The following DNMT3B variants were observed in gnomAD, a reference collection of about 807,000 sequenced individuals.
The protein encoded by DNMT3B is DNA methyltransferase 3 beta, also known as DNA (cytosine-5)-methyltransferase 3B.
Under a neutral mutation model 120.2 loss-of-function variants are expected in DNMT3B, and 37 were observed. That is an observed-to-expected ratio of 0.31 (90% CI 0.24 to 0.40). DNMT3B has a LOEUF of 0.40. Among genes scored for constraint, DNMT3B ranks in the 10% least tolerant of loss-of-function variants. The probability of loss-of-function intolerance (pLI) is 1.00; values close to 1 mark genes in which losing one functional copy is unlikely to be tolerated. For synonymous variants in DNMT3B, 412 were observed against 442.8 expected, an observed-to-expected ratio of 0.93 and a Z score of 0.87; for missense variants, 878 against 1,137.3, an observed-to-expected ratio of 0.77 and a Z score of 3.28.
intron 12 of DNMT3B, among the ~76,000 whole-genome samples, 160 bp from the exon 13 acceptor site, chr20:32,796,630 T>C (rs1350882905): frequency 2.0e-5 from 3 of 152,108 alleles, no homozygotes; most frequent in African/African-American, 4.8e-5. Flanking sequence ...CCTGGAAGCA[T>C]TGTTGAGTGG....
In DNMT3B at chr20:32,808,082, G is replaced by A. The variant is rs184681543; in HGVS notation, c.*179G>A. 14 of 1,018,332 alleles carry A rather than the reference G, an allele frequency of 1.4e-5. No homozygotes were observed. The highest frequency in any genetic ancestry group is 2.0e-5 in the Non-Finnish European group (14 of 695,990). The allele number at this position is 1,018,332 out of a possible 1,614,324, so 63.1% of individuals were successfully genotyped here. A position where few individuals can be genotyped will look rare whatever the true frequency, so the allele number is the denominator to read the frequency against. Reference sequence around the variant, plus strand: ...CTGACTCTTGCAGGGGTAGCCTGAGGTGCCGCCTCCTTGTGCACAAATCAG... The same window carrying A: ...CTGACTCTTGCAGGGGTAGCCTGAGATGCCGCCTCCTTGTGCACAAATCAG... On this transcript the variant is annotated 3_prime_UTR_variant, in exon 23 of 23. Coordinates refer to ENST00000328111, the MANE Select transcript of DNMT3B (RefSeq NM_006892.4).
At chr20:32,800,098 G>A in intron 16 of DNMT3B, 55 bp from the exon 17 acceptor site, 2 of 1,610,512 alleles carry the variant, frequency 1.2e-6, no homozygotes, top group Non-Finnish European at 1.7e-6. Flanking sequence ...TGGAGGAAAT[G>A]AGCTGCTGTG....
At chr20:32,765,771 T>TCTTGAGACGGAGTCTGGCTCTG (rs1568815958) in intron 1 of DNMT3B, among the ~76,000 whole-genome samples, 1 of 139,198 alleles carries the variant, frequency 7.2e-6, no homozygotes, top group Non-Finnish European at 1.5e-5. Context: ...TTTTTTTTTT[T>TCTTGAGACGGAGTCTGGCTCTG]TTGAGACGGA....
chr20:32,794,533 C>T (rs1416650274), intron 10 of DNMT3B, among the ~76,000 whole-genome samples: 2 of 151,836 alleles, frequency 1.3e-5, no homozygotes, highest in Admixed American at 6.6e-5. Context: ...CAAAAATTAG[C>T]CAGGTGTGGT....
rs534458653 is a variant in DNMT3B at position 32,797,081 on chromosome 20, C to T, written c.1378-106C>T. On this transcript the variant is annotated intron_variant, in intron 13 of 22. Coordinates refer to ENST00000328111, the MANE Select transcript of DNMT3B (RefSeq NM_006892.4). ...TGTCCTTTTAAAGGACACCAAGCCA[C>T]CAGCAGTGTGTTCTGCAGCTGTATC... 4.4e-6 allele frequency: 7 copies of T among 1,605,042 alleles called. No homozygotes were observed. In the East Asian group the frequency reaches 1.6e-4, roughly 36 times the overall value.
rs1193577669 is a variant in DNMT3B, at chr20:32,806,189, G to A, written c.2302-20G>A. ...TCCCTTCATTCTGTGCTCACTCCAT[G>A]ATGTCATTTTGTTCTCCAGTTAAAG... On this transcript the variant is annotated intron_variant, in intron 21 of 22. Coordinates refer to ENST00000328111, the MANE Select transcript of DNMT3B (RefSeq NM_006892.4). The A allele has an allele frequency of 1.9e-6, 3 of 1,610,114 alleles. No individual in the cohort carries two copies. In the Admixed American group the frequency reaches 5.0e-5, roughly 27 times the overall value.
At chr20:32,795,602 G>A (rs1332812565) in intron 11 of DNMT3B, 48 bp from the exon 12 acceptor site, 1 of 1,614,074 alleles carries the variant, frequency 6.2e-7, no homozygotes. Flanking sequence ...GAATTGATCT[G>A]TACCCGGCTC....
chr20:32,769,356 G>T (rs943646394), intron 1 of DNMT3B, among the ~76,000 whole-genome samples: 2 of 152,136 alleles, frequency 1.3e-5, no homozygotes, highest in Non-Finnish European at 2.9e-5. Flanking sequence ...CAAAGTACTG[G>T]GATTACAGGC....
Position 32,808,089 on chromosome 20 carries a change from C to T in DNMT3B, c.*186C>T, listed in dbSNP as rs1982166772. 3 of 939,068 alleles carry T rather than the reference C, an allele frequency of 3.2e-6. No individual in the cohort carries two copies. The highest frequency in any genetic ancestry group is 4.6e-5 in the Admixed American group (2 of 43,578). 58.2% of individuals were successfully genotyped at this position (939,068 alleles called of 1,614,324 possible). On this transcript the variant is annotated 3_prime_UTR_variant, in exon 23 of 23. Transcript: ENST00000328111. Reference sequence around the variant, plus strand: ...TTGCAGGGGTAGCCTGAGGTGCCGCCTCCTTGTGCACAAATCAGACCTGGC... The same window carrying T: ...TTGCAGGGGTAGCCTGAGGTGCCGCTTCCTTGTGCACAAATCAGACCTGGC...
intron 12 of DNMT3B, among the ~76,000 whole-genome samples, chr20:32,796,080 T>C (rs8115360): frequency 0.057 from 8,717 of 152,248 alleles, 748 homozygotes; most frequent in African/African-American, 0.19. Context: ...TGCCACTGGA[T>C]TGGATACTCT....
chr20:32,792,844 C>T, intron 9 of DNMT3B, 74 bp downstream of exon 9: 1 of 1,597,522 alleles, frequency 6.3e-7, no homozygotes, highest in Non-Finnish European at 8.5e-7. Flanking sequence ...TCAGCCACCC[C>T]TGCTGCCCCA....
intron 17 of DNMT3B, 75 bp from the exon 18 acceptor site, chr20:32,800,760 C>A: frequency 6.6e-7 from 1 of 1,523,644 alleles, no homozygotes; most frequent in Non-Finnish European, 9.1e-7. Flanking sequence ...CAGCCCCACG[C>A]AAGATTCTAG....
Position 32,786,609 on chromosome 20 carries a change from G to C in DNMT3B, c.414G>C (p.Val138=), listed in dbSNP as rs2145944649. ...QGRNHVDESP[V]EFPATRSLRR... is the part of the protein sequence containing the mutation. ...GCAACCATGTGGACGAGTCCCCCGT[G>C]GAGTTCCCGGCTACCAGGGTTGGTT... The change falls in exon 5 of 23, where the codon GTG becomes GTC. Residue 138 remains valine, a synonymous_variant. Transcript: ENST00000328111. The C allele has an allele frequency of 6.2e-7, 1 of 1,613,910 alleles. No individual in the cohort carries two copies. The highest frequency in any genetic ancestry group is 2.2e-5 in the East Asian group (1 of 44,890).
Position 32,786,494 on chromosome 20 carries a change from G to A in DNMT3B, c.307-8G>A. On this transcript the variant is annotated splice_polypyrimidine_tract_variant and splice_region_variant and intron_variant, in intron 4 of 22. Coordinates refer to ENST00000328111, the MANE Select transcript of DNMT3B (RefSeq NM_006892.4). ...TAAGGCCCAGTGAGTGTCCTCTCTT[G>A]CTTCTAGGTCCGAACTCGAAATAAC... 6.2e-7 allele frequency: 1 copy of A among 1,614,006 alleles called. No individual in the cohort carries two copies.
rs766351628 is a variant in DNMT3B, at chr20:32,798,413, A to G, written c.1491-47A>G. The G allele has an allele frequency of 7.4e-6, 12 of 1,611,898 alleles. No individual in the cohort carries two copies. The Admixed American group carries it at 2.0e-4, about 27-fold the overall frequency. The stretch of plus-strand genomic sequence containing the variant: ...GGAAGTGGTAAGGGGGTGGCACAGG[A>G]GACCAGCTCTGACAAAGGCATCCCT... On this transcript the variant is annotated intron_variant, in intron 14 of 22. Coordinates refer to ENST00000328111, the MANE Select transcript of DNMT3B (RefSeq NM_006892.4).
chr20:32,805,236 T>A, intron 20 of DNMT3B, 102 bp from the exon 21 acceptor site: 1 of 1,405,402 alleles, frequency 7.1e-7, no homozygotes, highest in Non-Finnish European at 1.0e-6. Flanking sequence ...CCAAGTTCAC[T>A]GCCAGGGCAC....
chr20:32,768,485 C>T (rs973384326), intron 1 of DNMT3B, among the ~76,000 whole-genome samples: 1 of 152,054 alleles, frequency 6.6e-6, no homozygotes, highest in Non-Finnish European at 1.5e-5. Context: ...AGCCTCTGTG[C>T]CTGGCTAATT....
chr20:32,785,616 AT>A (rs987022340), intron 4 of DNMT3B, among the ~76,000 whole-genome samples: 71 of 152,246 alleles, frequency 4.7e-4, no homozygotes, highest in African/African-American at 1.7e-3. Flanking sequence ...TTCCCAGGAT[AT>A]GGTCTGTATC....
chr20:32,805,251 C>T, intron 20 of DNMT3B, 87 bp from the exon 21 acceptor site: 1 of 1,512,716 alleles, frequency 6.6e-7, no homozygotes, highest in Middle Eastern at 1.7e-4. Flanking sequence ...GGGCACATCT[C>T]TGCAACATAG....
Sources: allele counts gnomAD v4.1 joint callset (sites outside exome capture counted in the v4.1 genomes callset), GRCh38; gene constraint gnomAD v4.1.1; transcripts MANE v1.5; gene names NCBI Gene and HGNC (gene_info 2026-07-23, HGNC 2026-07-21).